The following ADRA1A variants were observed in gnomAD, a reference collection of about 807,000 sequenced individuals.
The protein encoded by ADRA1A is alpha-1A adrenergic receptor.
Under a neutral mutation model 29.6 loss-of-function variants are expected in ADRA1A, and 31 were observed. That is an observed-to-expected ratio of 1.05 (90% CI 0.79 to 1.41). ADRA1A has a LOEUF of 1.41. Among genes scored for constraint, ADRA1A ranks in the 40% most tolerant of loss-of-function variants. The pLI is 0.00. For missense variants in ADRA1A, 619 were observed against 601.1 expected (o/e 1.03, Z -0.31); for synonymous variants, 311 against 254.3 (o/e 1.22, Z -2.12).
intron 2 of ADRA1A, among the ~76,000 whole-genome samples, chr8:26,798,524 AT>A (rs986481238): frequency 1.3e-5 from 2 of 152,096 alleles, no homozygotes; most frequent in Non-Finnish European, 2.9e-5. Context: ...TTCAAAGGAC[AT>A]TTTTTTATTC....
chr8:26,808,647 GGTTTTCCT>G (rs1430780091), intron 2 of ADRA1A, among the ~76,000 whole-genome samples: 1 of 152,094 alleles, frequency 6.6e-6, no homozygotes, highest in Admixed American at 6.6e-5. Context: ...TTGCTTAGGA[GGTTTTCCT>G]AGTGAAAAGT....
chr8:26,826,836 C>T (rs1563285343), intron 2 of ADRA1A, among the ~76,000 whole-genome samples: 1 of 152,152 alleles, frequency 6.6e-6, no homozygotes, highest in Non-Finnish European at 1.5e-5. Flanking sequence ...AGCTATCTGC[C>T]AACCAGAAAC....
intron 2 of ADRA1A, among the ~76,000 whole-genome samples, chr8:26,759,900 C>T (rs1297876583): frequency 6.6e-6 from 1 of 152,092 alleles, no homozygotes; most frequent in Admixed American, 6.5e-5. Context: ...TGTGATTTTC[C>T]CCCTGTCATT....
At chr8:26,751,935 C>T (rs1048440929), downstream of ADRA1A, among the ~76,000 whole-genome samples, 4 of 152,192 alleles carry the variant, frequency 2.6e-5, no homozygotes, top group Non-Finnish European at 5.9e-5. Flanking sequence ...TTGGCTTGTA[C>T]AGGCTCTTGA....
rs573132278 is a variant in ADRA1A at position 26,768,824 on chromosome 8, TG to T, written c.*1324del. ...ACACAAGTTCTGTACTGAGTTATTATGGTTTACCAAAATTTGGTATACATAA... is the reference window on the plus strand; with the variant it reads ...ACACAAGTTCTGTACTGAGTTATTATGTTTACCAAAATTTGGTATACATAA... On this transcript the variant is annotated 3_prime_UTR_variant, in exon 3 of 3. Coordinates refer to ENST00000380573, the MANE Select transcript of ADRA1A (RefSeq NM_000680.4). 551 of 872,142 alleles carry T rather than the reference TG, an allele frequency of 6.3e-4. 11 individuals carry two copies. In the Admixed American group the frequency reaches 0.031, roughly 50 times the overall value. The allele number at this position is 872,142 out of a possible 1,614,324, so 54.0% of individuals were successfully genotyped here. A position where few individuals can be genotyped will look rare whatever the true frequency, so the allele number is the denominator to read the frequency against.
rs540825713 is a variant in ADRA1A, at chr8:26,784,361, T to C, written c.884-13695A>G. Among the ~76,000 whole-genome samples the C allele has an allele frequency of 5.3e-5, 8 of 152,302 alleles. No individual in the cohort carries two copies. In the East Asian group the frequency reaches 1.5e-3, roughly 29 times the overall value. On this transcript the variant is annotated intron_variant, in intron 2 of 2. Transcript: ENST00000380573. ...AATGCTCACCCAATATCTGCTCCAA[T>C]TAGGTGATTAATTCAGAACATATCA...
chr8:26,756,428 T>C, exon 3 of ADRA1A: 2 of 1,379,134 alleles, frequency 1.5e-6, no homozygotes, highest in South Asian at 1.4e-5. Flanking sequence ...TGATTCTCAA[T>C]TAACTTTTAA....
chr8:26,817,257 A>G (rs563122397), intron 2 of ADRA1A, among the ~76,000 whole-genome samples: 2 of 152,376 alleles, frequency 1.3e-5, no homozygotes, highest in Admixed American at 1.3e-4. Context: ...CAAAAAGATA[A>G]GCAAATGTCA....
chr8:26,789,159 A>G (rs1807628673), intron 2 of ADRA1A, among the ~76,000 whole-genome samples: 1 of 152,034 alleles, frequency 6.6e-6, no homozygotes. Flanking sequence ...GTTTTTAAAA[A>G]GGGTAAAATT....
chr8:26,867,136 C>G lies in ADRA1A; in HGVS notation c.-887G>C. The G allele has an allele frequency of 1.0e-6, 1 of 985,376 alleles. No individual in the cohort carries two copies. Among genetic ancestry groups the G allele is most frequent in the Non-Finnish European group, 1.2e-6 (1 of 829,926 alleles). 61.0% of individuals were successfully genotyped at this position (985,376 alleles called of 1,614,324 possible). A position where few individuals can be genotyped will look rare whatever the true frequency, so the allele number is the denominator to read the frequency against. ...AGCTCCTGAACCGCTGTCACTTTAC[C>G]TGCATTTTTTAAAAAGAGTCAAAAT... On this transcript the variant is annotated 5_prime_UTR_variant, in exon 1 of 3. Coordinates refer to ENST00000380573, the MANE Select transcript of ADRA1A (RefSeq NM_000680.4).
At chr8:26,751,746 A>T (rs535143769), downstream of ADRA1A, among the ~76,000 whole-genome samples, 1 of 152,374 alleles carries the variant, frequency 6.6e-6, no homozygotes, top group East Asian at 1.9e-4. Context: ...CAATTGCAAC[A>T]ACAACACCTA....
In ADRA1A at chr8:26,842,437, AG is replaced by A. The variant is rs1461643771; in HGVS notation, c.883+21649del. Among the ~76,000 whole-genome samples, 3 of 152,188 alleles carry A rather than the reference AG, an allele frequency of 2.0e-5. No individual in the cohort carries two copies. The East Asian group carries it at 5.8e-4, about 30-fold the overall frequency. Reference sequence around the variant, plus strand: ...GACAACTAATCCCTACTGCATGCAAAGCTCAAAAGCCTCTTTTATTAATTCC... The same window carrying A: ...GACAACTAATCCCTACTGCATGCAAACTCAAAAGCCTCTTTTATTAATTCC... On this transcript the variant is annotated intron_variant, in intron 2 of 2. Transcript: ENST00000380573.
intron 2 of ADRA1A, among the ~76,000 whole-genome samples, chr8:26,798,875 C>T (rs541620033): frequency 2.4e-4 from 36 of 152,284 alleles, no homozygotes; most frequent in Middle Eastern, 3.4e-3. Context: ...ATAGTATTAC[C>T]AACATCTCTG....
chr8:26,810,603 C>G (rs780476983), intron 2 of ADRA1A, among the ~76,000 whole-genome samples: 1 of 152,190 alleles, frequency 6.6e-6, no homozygotes, highest in Non-Finnish European at 1.5e-5. Context: ...CTGGCATGGT[C>G]CAGCTTAAAA....
At chr8:26,856,833 G>T (rs915539824) in intron 2 of ADRA1A, among the ~76,000 whole-genome samples, 4 of 152,184 alleles carry the variant, frequency 2.6e-5, no homozygotes, top group African/African-American at 7.2e-5. Context: ...GAGATTAGAA[G>T]CCTGCAGGGA....
intron 2 of ADRA1A, chr8:26,756,865 A>G: frequency 6.4e-7 from 1 of 1,551,062 alleles, no homozygotes; most frequent in South Asian, 1.2e-5. Context: ...TCACAATTTT[A>G]TCCTTTTGTA....
At chr8:26,852,985 A>G (rs1164776915) in intron 2 of ADRA1A, among the ~76,000 whole-genome samples, 2 of 152,180 alleles carry the variant, frequency 1.3e-5, no homozygotes, top group East Asian at 3.8e-4. Flanking sequence ...TTAATCCAAG[A>G]ATACATGGAA....
intron 2 of ADRA1A, among the ~76,000 whole-genome samples, chr8:26,846,236 G>A (rs1812187573): frequency 6.6e-6 from 1 of 152,178 alleles, no homozygotes; most frequent in Admixed American, 6.5e-5. Context: ...AACAAAAGCT[G>A]AACAATAATA....
At chr8:26,798,121 G>C (rs991078372) in intron 2 of ADRA1A, among the ~76,000 whole-genome samples, 1 of 152,170 alleles carries the variant, frequency 6.6e-6, no homozygotes, top group Non-Finnish European at 1.5e-5. Flanking sequence ...TGGGATTACA[G>C]GTGCTTGCCA....
Sources: gnomAD v4.1 joint callset for allele counts (sites outside exome capture counted in the v4.1 genomes callset) on GRCh38, gnomAD v4.1.1 for gene constraint, MANE v1.5 for transcripts, NCBI Gene and HGNC (gene_info 2026-07-23, HGNC 2026-07-21) for gene names.